PHIP: variants seen among roughly 807,000 people sequenced by gnomAD.
The protein encoded by PHIP is PHIP subunit of CUL4-Ring ligase complex, also known as PH-interacting protein.
In PHIP, 54 loss-of-function variants were observed where a neutral mutation model predicts 236.8. The observed-to-expected ratio is 0.23, with a 90% CI of 0.18 to 0.29. The LOEUF (loss-of-function observed/expected upper bound fraction) is 0.29, where lower values mean the gene tolerates loss of function less well. Among genes scored for constraint, PHIP ranks in the 10% least tolerant of loss-of-function variants. The pLI is 1.00. For synonymous variants in PHIP, 756 were observed against 718.9 expected, an observed-to-expected ratio of 1.05 and a Z score of -0.83; for missense variants, 1,370 against 2,190.8, an observed-to-expected ratio of 0.63 and a Z score of 7.48.
Position 78,968,845 on chromosome 6 carries a change from CACAAAGACAAACTTGTTA to C in PHIP, c.3205+972_3205+989del, listed in dbSNP as rs574864060. Among the ~76,000 whole-genome samples the C allele has an allele frequency of 3.1e-3, 472 of 152,208 alleles. 1 individual carries two copies. The highest frequency in any genetic ancestry group is 0.011 in the African/African-American group (438 of 41,544). ...AAAAACATTCTTCAATGTAATTTTC[CACAAAGACAAACTTGTTA>C]GATAAGTTATGTGTTCCAATTTTTT... On this transcript the variant is annotated intron_variant, in intron 27 of 39. Transcript: ENST00000275034.
At chr6:79,065,951 CTTAG>C (rs1225631062) in intron 4 of PHIP, among the ~76,000 whole-genome samples, 6 of 151,800 alleles carry the variant, frequency 4.0e-5, no homozygotes, top group Non-Finnish European at 5.9e-5. Context: ...CAGTTTTCAA[CTTAG>C]TAAGAACCCC....
At chr6:79,038,011 C>CTATCAT in intron 7 of PHIP, among the ~76,000 whole-genome samples, 1 of 152,292 alleles carries the variant, frequency 6.6e-6, no homozygotes, top group East Asian at 1.9e-4. Context: ...AGAATACAGA[C>CTATCAT]TATCATATCT....
chr6:79,009,997 G>C (rs1770489113), intron 15 of PHIP, among the ~76,000 whole-genome samples: 1 of 151,484 alleles, frequency 6.6e-6, no homozygotes, highest in African/African-American at 2.4e-5. Context: ...AAGCATCAGA[G>C]AGTCCTTTTA....
In PHIP at chr6:79,060,675, T is replaced by C. The variant is rs770760710; in HGVS notation, c.333A>G (p.Thr111=). The change falls in exon 5 of 40, where the codon ACA becomes ACG. Residue 111 remains threonine, a synonymous_variant. Transcript: ENST00000275034. The part of the protein sequence containing the change: ...LGAGRQSLLR[T]NKSCKHVVWK... ...ATGAGAAAATTTTCATACTTTTATT[T>C]GTGCGTAGTAAAGACTGTCTTCCAG... The C allele has an allele frequency of 5.0e-6, 8 of 1,610,702 alleles. No individual in the cohort carries two copies. Among genetic ancestry groups the C allele is most frequent in the Middle Eastern group, 3.3e-4 (2 of 6,050 alleles).
chr6:78,957,325 A>T (rs918434528), intron 32 of PHIP: 3 of 152,016 alleles, frequency 2.0e-5, no homozygotes, highest in Admixed American at 6.6e-5. Context: ...CAGACATAAG[A>T]GTCTTCAGAG....
At chr6:78,996,339 T>G (rs1156262445) in intron 19 of PHIP, among the ~76,000 whole-genome samples, 2 of 152,184 alleles carry the variant, frequency 1.3e-5, no homozygotes, top group African/African-American at 4.8e-5. Flanking sequence ...ATGGTTTTTG[T>G]GGAATATTAC....
At chr6:79,023,542 T>G (rs1220699030) in intron 9 of PHIP, among the ~76,000 whole-genome samples, 1 of 152,128 alleles carries the variant, frequency 6.6e-6, no homozygotes, top group Non-Finnish European at 1.5e-5. Context: ...ATTACTAAGT[T>G]GTATATAACA....
chr6:79,047,486 T>G (rs1772561076), intron 6 of PHIP, among the ~76,000 whole-genome samples: 1 of 152,222 alleles, frequency 6.6e-6, no homozygotes, highest in Non-Finnish European at 1.5e-5. Context: ...TCGCAAAGGT[T>G]TACCTCAAAA....
At chr6:79,018,955 T>C in intron 10 of PHIP, 134 bp downstream of exon 10, 1 of 582,260 alleles carries the variant, frequency 1.7e-6, no homozygotes, top group South Asian at 2.9e-5. Context: ...TCTCAGTTAC[T>C]TATTAGCTCT....
chr6:79,015,223 T>C lies in PHIP; in HGVS notation c.1390-7A>G. ...ATACCTCATCTTCATGACCCTGAAA[T>C]ATTTTTGAAGTGTCAAAGAATCATA... On this transcript the variant is annotated splice_polypyrimidine_tract_variant and splice_region_variant and intron_variant, in intron 14 of 39. Coordinates refer to ENST00000275034, the MANE Select transcript of PHIP (RefSeq NM_017934.7). 6.2e-7 allele frequency: 1 copy of C among 1,602,646 alleles called. No individual in the cohort carries two copies. The highest frequency in any genetic ancestry group is 2.2e-5 in the East Asian group (1 of 44,742).
At chr6:79,070,952 T>G (rs2127780025) in intron 4 of PHIP, among the ~76,000 whole-genome samples, 1 of 152,356 alleles carries the variant, frequency 6.6e-6, no homozygotes, top group East Asian at 1.9e-4. Flanking sequence ...ATTCTTCCTG[T>G]GTCTCTTCTG....
intron 35 of PHIP, among the ~76,000 whole-genome samples, chr6:78,948,667 A>C (rs369106785): frequency 6.6e-6 from 1 of 152,000 alleles, no homozygotes; most frequent in Non-Finnish European, 1.5e-5. Flanking sequence ...GCTAATTTTT[A>C]TAATTTTTGT....
chr6:78,985,569 T>C lies in PHIP; in HGVS notation c.2461-141A>G, dbSNP rs146911900. ...GATTTAAATTAGTTGCAAAGGGTGT[T>C]GTGGCTCACGCCTGTAATCCCAACA... On this transcript the variant is annotated intron_variant, in intron 21 of 39. Coordinates refer to ENST00000275034, the MANE Select transcript of PHIP (RefSeq NM_017934.7). The C allele has an allele frequency of 1.0e-5, 7 of 671,072 alleles. No homozygotes were observed. In the East Asian group the frequency reaches 2.0e-4, roughly 19 times the overall value. The allele number at this position is 671,072 out of a possible 1,614,324, so 41.6% of individuals were successfully genotyped here.
At chr6:78,947,580 C>CT in intron 36 of PHIP, 43 bp downstream of exon 36, 1 of 986,048 alleles carries the variant, frequency 1.0e-6, no homozygotes. Flanking sequence ...ACACACTCCT[C>CT]TAACTTAATC....
chr6:79,077,788 G>T, intron 2 of PHIP, 59 bp from the exon 3 acceptor site: 1 of 979,426 alleles, frequency 1.0e-6, no homozygotes, highest in Non-Finnish European at 1.2e-6. Flanking sequence ...CCCCGCCGCC[G>T]CCGCCTCCCT....
At chr6:79,043,172 T>C (rs1217707882) in intron 6 of PHIP, among the ~76,000 whole-genome samples, 169 bp from the exon 7 acceptor site, 13 of 152,114 alleles carry the variant, frequency 8.5e-5, no homozygotes, top group East Asian at 5.8e-4. Context: ...AATAAAAACA[T>C]TGTTTCACCT....
chr6:79,030,088 CT>C (rs540137662), intron 7 of PHIP, among the ~76,000 whole-genome samples: 245 of 152,204 alleles, frequency 1.6e-3, no homozygotes, highest in African/African-American at 5.7e-3. Flanking sequence ...AGATATACCT[CT>C]TCTAAGGTGT....
intron 4 of PHIP, among the ~76,000 whole-genome samples, chr6:79,069,308 T>C (rs1345577039): frequency 1.3e-5 from 2 of 151,550 alleles, no homozygotes; most frequent in Non-Finnish European, 2.9e-5. Flanking sequence ...CTTACAATTA[T>C]AAATCTGTTA....
intron 20 of PHIP, among the ~76,000 whole-genome samples, chr6:78,990,028 A>G (rs1769122270): frequency 6.6e-6 from 1 of 152,104 alleles, no homozygotes; most frequent in Non-Finnish European, 1.5e-5. Context: ...GTAATAAAAC[A>G]GAAAAGTGAA....
Sources: gnomAD v4.1 joint callset for allele counts (sites outside exome capture counted in the v4.1 genomes callset) on GRCh38, gnomAD v4.1.1 for gene constraint, MANE v1.5 for transcripts, NCBI Gene and HGNC (gene_info 2026-07-23, HGNC 2026-07-21) for gene names.